The following PLCH2 variants were observed in gnomAD, a reference collection of about 807,000 sequenced individuals.
The protein encoded by PLCH2 is 1-phosphatidylinositol 4,5-bisphosphate phosphodiesterase eta-2.
Under a neutral mutation model 134.7 loss-of-function variants are expected in PLCH2, and 98 were observed. That is an observed-to-expected ratio of 0.73 (90% CI 0.62 to 0.86). The LOEUF (loss-of-function observed/expected upper bound fraction) is 0.86, where lower values mean the gene tolerates loss of function less well. Among genes scored for constraint, PLCH2 ranks in the 40% least tolerant of loss-of-function variants. The pLI is 0.00. For missense variants in PLCH2, 1,994 were observed against 1,986.6 expected, an observed-to-expected ratio of 1.00 and a Z score of -0.07; for synonymous variants, 974 against 827.5, an observed-to-expected ratio of 1.18 and a Z score of -3.04.
intron 2 of PLCH2, among the ~76,000 whole-genome samples, chr1:2,461,599 C>T (rs1244068062): frequency 1.3e-5 from 2 of 152,170 alleles, no homozygotes. Context: ...CGGCTCCCCT[C>T]CAGCCCGCAA....
Position 2,504,700 on chromosome 1 carries a change from G to A in PLCH2, c.3738G>A (p.Gln1246=). 2 of 1,612,530 alleles carry A rather than the reference G, an allele frequency of 1.2e-6. No individual in the cohort carries two copies. The change falls in exon 22 of 22, where the codon CAG becomes CAA. Residue 1246 remains glutamine, a synonymous_variant. Coordinates refer to ENST00000378486, the MANE Select transcript of PLCH2 (RefSeq NM_014638.4). ...PWGCLSLVGV[Q]DCPVAAKSKS... is the part of the protein sequence containing the mutation. ...GCTGCCTTTCCCTGGTGGGCGTGCA[G>A]GACTGCCCCGTGGCTGCCAAGTCCA...
At chr1:2,464,834 A>T (rs1640981455), upstream of PLCH2, among the ~76,000 whole-genome samples, 1 of 152,152 alleles carries the variant, frequency 6.6e-6, no homozygotes, top group Admixed American at 6.5e-5. Flanking sequence ...GGCAGCATGG[A>T]GGTCAGGGCA....
At position 2,484,518 on chromosome 1, in the gene PLCH2, C is replaced by T; in HGVS notation, c.716C>T (p.Ser239Phe). 1.2e-6 allele frequency: 2 copies of T among 1,613,318 alleles called. No individual in the cohort carries two copies. The highest frequency in any genetic ancestry group is 1.7e-6 in the Non-Finnish European group (2 of 1,179,792). ...EEFCAFYKMM[S>F]TRRDLYLLML... ...TTCTGTGCCTTCTACAAGATGATGT[C>T]CACCCGCCGGGACCTCTACCTGCTC... Residue 239 changes from serine to phenylalanine, a missense_variant, in exon 5 of 22, where the codon TCC becomes TTC. This residue lies in a region of PLCH2 where 1,094 missense variants were observed against 1,234.3 expected (regional missense o/e 0.89). Transcript: ENST00000378486.
At chr1:2,500,483 CCT>C (rs916605678) in intron 20 of PLCH2, 85 of 152,694 alleles carry the variant, frequency 5.6e-4, no homozygotes, top group South Asian at 1.0e-3. Context: ...ACCTGCTCCC[CCT>C]GTCTCTTTGG....
chr1:2,476,562 T>C lies in PLCH2; in HGVS notation c.-27T>C. ...GGCCGGTGGGCCTCTGTGGCCTCCG[T>C]GAAGCAGGCCCGGCTGTCGTCAGGC... On this transcript the variant is annotated 5_prime_UTR_variant, in exon 1 of 22. Transcript: ENST00000378486. The C allele has an allele frequency of 6.8e-7, 1 of 1,477,378 alleles. No individual in the cohort carries two copies. Among genetic ancestry groups the C allele is most frequent in the South Asian group, 1.4e-5 (1 of 73,870 alleles). 91.5% of individuals were successfully genotyped at this position (1,477,378 alleles called of 1,614,324 possible). A position where few individuals can be genotyped will look rare whatever the true frequency, so the allele number is the denominator to read the frequency against.
intron 2 of PLCH2, among the ~76,000 whole-genome samples, chr1:2,443,279 G>T (rs1000717629): frequency 9.2e-5 from 14 of 152,228 alleles, no homozygotes; most frequent in African/African-American, 3.1e-4. Context: ...CTTAGTTGGG[G>T]GAGGGGTGGC....
intron 11 of PLCH2, among the ~76,000 whole-genome samples, chr1:2,492,798 G>A (rs1219133381): frequency 6.6e-6 from 1 of 152,144 alleles, no homozygotes; most frequent in Non-Finnish European, 1.5e-5. Flanking sequence ...TGTCCCCCTG[G>A]GGTAGCCGGT....
Position 2,489,859 on chromosome 1 carries a change from A to G in PLCH2, c.1507A>G (p.Asn503Asp). 6.2e-7 allele frequency: 1 copy of G among 1,610,684 alleles called. No homozygotes were observed. Among genetic ancestry groups the G allele is most frequent in the Middle Eastern group, 1.7e-4 (1 of 6,054 alleles). ...GATTGACGATGACTGCAAGCTCCTC[A>G]ATGGGGATGTGAGTCGGGCTGGAGG... ...DEIDDDCKLL[N>D]GDASTNRKRV... The change falls in exon 10 of 22, where the codon AAT becomes GAT. Residue 503 changes from asparagine to aspartate, a missense_variant. By Grantham distance (23) the Asn-to-Asp change is conservative. Transcript: ENST00000378486.
At chr1:2,434,220 G>A (rs1030350751) in intron 2 of PLCH2, among the ~76,000 whole-genome samples, 2 of 152,220 alleles carry the variant, frequency 1.3e-5, no homozygotes, top group Admixed American at 6.5e-5. Flanking sequence ...CGGGGGCCGC[G>A]CCTGGGCAGG....
At position 2,448,737 on chromosome 1, in the gene PLCH2, G is replaced by A. The variant is rs1245356885; in HGVS notation, c.115+18108G>A. Among the ~76,000 whole-genome samples the A allele has an allele frequency of 6.6e-6, 1 of 151,728 alleles. No individual in the cohort carries two copies. Among genetic ancestry groups the A allele is most frequent in the Non-Finnish European group, 1.5e-5 (1 of 67,880 alleles). On this transcript the variant is annotated intron_variant, in intron 2 of 3. Transcript: ENST00000609981. The surrounding 1 kb of genome is among the most constrained non-coding windows in gnomAD (Gnocchi z 4.0). ...CTCCTGGCTCCCCACCATCCCCCCT[G>A]GTGCAGCCTCCTGGCTCCCCACCAT...
intron 2 of PLCH2, among the ~76,000 whole-genome samples, chr1:2,451,270 C>T (rs1034115259): frequency 6.6e-5 from 10 of 152,176 alleles, no homozygotes; most frequent in Non-Finnish European, 1.5e-4. Context: ...CCTCGTGTCC[C>T]GATTGTGGGG....
intron 2 of PLCH2, among the ~76,000 whole-genome samples, chr1:2,458,710 G>A (rs72915786): frequency 0.043 from 6,557 of 152,168 alleles, 494 homozygotes; most frequent in African/African-American, 0.15. Flanking sequence ...CGCCCAGACC[G>A]CGCCCATACA....
chr1:2,504,882 C>A lies in PLCH2; in HGVS notation c.3920C>A (p.Thr1307Asn). The stretch of plus-strand genomic sequence containing the variant: ...CTGACAGAGCAGCTGCGCTGGCTCA[C>A]TGTCTTCCAGCAGGCAGGAGACATC... ...DTLTEQLRWLTVFQQAGDITS... is the reference protein window; with the variant it reads ...DTLTEQLRWLNVFQQAGDITS... Residue 1307 changes from threonine to asparagine, a missense_variant, in exon 22 of 22, where the codon ACT becomes AAT. Transcript: ENST00000378486. 1 of 1,591,602 alleles carries A rather than the reference C, an allele frequency of 6.3e-7. No individual in the cohort carries two copies. Among genetic ancestry groups the A allele is most frequent in the South Asian group, 1.1e-5 (1 of 88,868 alleles).
At chr1:2,422,647 A>G (rs1407447822), upstream of PLCH2, among the ~76,000 whole-genome samples, 1 of 152,168 alleles carries the variant, frequency 6.6e-6, no homozygotes, top group Non-Finnish European at 1.5e-5. Context: ...GTGTTACATT[A>G]TCATCTGTTG....
chr1:2,450,190 G>A (rs1366354422), intron 2 of PLCH2, among the ~76,000 whole-genome samples: 3 of 152,156 alleles, frequency 2.0e-5, no homozygotes, highest in African/African-American at 7.2e-5. Context: ...TCGACGGGGG[G>A]GCAGATATCG....
chr1:2,494,843 C>G lies in PLCH2; in HGVS notation c.1660-13C>G, dbSNP rs1348681264. 3.8e-6 allele frequency: 6 copies of G among 1,585,402 alleles called. No individual in the cohort carries two copies. Among genetic ancestry groups the G allele is most frequent in the Non-Finnish European group, 4.3e-6 (5 of 1,162,116 alleles). On this transcript the variant is annotated splice_polypyrimidine_tract_variant and intron_variant, in intron 11 of 21. Transcript: ENST00000378486. ...CTAGACTCACCTTGTCCCTGTCTCTCCCCTGGACTCAGAGCAAGGCTGAAG... is the reference window on the plus strand; with the variant it reads ...CTAGACTCACCTTGTCCCTGTCTCTGCCCTGGACTCAGAGCAAGGCTGAAG...
chr1:2,472,180 G>A (rs1349829723), upstream of PLCH2, among the ~76,000 whole-genome samples: 4 of 152,222 alleles, frequency 2.6e-5, no homozygotes, highest in Admixed American at 1.3e-4. Context: ...AAATAGTTGG[G>A]GAGGAGGCTC....
intron 1 of PLCH2, among the ~76,000 whole-genome samples, chr1:2,429,554 G>A (rs1052396779): frequency 4.6e-5 from 7 of 152,188 alleles, no homozygotes; most frequent in Non-Finnish European, 7.4e-5. Flanking sequence ...GGGCCAGGAC[G>A]AGGAGGCTGT....
intron 1 of PLCH2, among the ~76,000 whole-genome samples, chr1:2,471,039 A>C: frequency 7.0e-6 from 1 of 143,788 alleles, no homozygotes. Flanking sequence ...CCAGGGACAC[A>C]CAATGGGGGG....
Sources: allele counts gnomAD v4.1 joint callset (sites outside exome capture counted in the v4.1 genomes callset), GRCh38; gene constraint gnomAD v4.1.1; regional missense constraint gnomAD v4.1.1; non-coding constraint Gnocchi (gnomAD v3.1); transcripts MANE v1.5; gene names NCBI Gene and HGNC (gene_info 2026-07-23, HGNC 2026-07-21).